The following NXPH1 variants were observed in gnomAD, a reference collection of about 807,000 sequenced individuals.
NXPH1 encodes the protein neurexophilin 1.
NXPH1 carries 5 observed loss-of-function variants against 23.7 expected under a neutral mutation model. The ratio of observed to expected loss-of-function variants is 0.21; its 90% CI spans 0.11 to 0.44. The LOEUF (loss-of-function observed/expected upper bound fraction) is 0.44. Among genes scored for constraint, NXPH1 ranks in the 20% least tolerant of loss-of-function variants. The probability of loss-of-function intolerance (pLI) is 0.99; values close to 1 mark genes in which losing one functional copy is unlikely to be tolerated. For missense variants in NXPH1, 324 were observed against 321.6 expected, an observed-to-expected ratio of 1.01 and a Z score of -0.06; for synonymous variants, 144 against 122.2, an observed-to-expected ratio of 1.18 and a Z score of -1.18.
chr7:8,655,467 C>CAA (rs1820563749), intron 2 of NXPH1, among the ~76,000 whole-genome samples: 1 of 134,080 alleles, frequency 7.5e-6, no homozygotes, highest in Admixed American at 8.2e-5. Context: ...CACACACACA[C>CAA]ACACACACAC....
At chr7:8,661,723 A>T (rs1820677271) in intron 2 of NXPH1, among the ~76,000 whole-genome samples, 1 of 152,174 alleles carries the variant, frequency 6.6e-6, no homozygotes, top group Admixed American at 6.5e-5. Flanking sequence ...CTGTAGAAAT[A>T]ACCAAGGGGA....
At chr7:8,471,334 A>G in intron 2 of NXPH1, among the ~76,000 whole-genome samples, 1 of 152,284 alleles carries the variant, frequency 6.6e-6, no homozygotes, top group East Asian at 1.9e-4. Context: ...GGATTTGTGA[A>G]GAGTAAAAAC....
In NXPH1 at chr7:8,434,143, A is replaced by T. The variant is rs1183674534; in HGVS notation, c.-723A>T. 6.6e-6 allele frequency: 1 copy of T among 152,532 alleles called. No homozygotes were observed. The highest frequency in any genetic ancestry group is 1.5e-5 in the Non-Finnish European group (1 of 68,298). The allele number at this position is 152,532 out of a possible 1,614,324, so 9.4% of individuals were successfully genotyped here. On this transcript the variant is annotated 5_prime_UTR_variant, in exon 1 of 3. Transcript: ENST00000405863. This position sits in a 1 kb window ranked among gnomAD's most constrained non-coding sequence, Gnocchi z 7.6. ...GCTTCCCAGCGTCGCGGGTAGAGGTACAGCTGCTCCGTGTGCCGCAGGCTC... is the reference window on the plus strand; with the variant it reads ...GCTTCCCAGCGTCGCGGGTAGAGGTTCAGCTGCTCCGTGTGCCGCAGGCTC...
intron 2 of NXPH1, among the ~76,000 whole-genome samples, chr7:8,588,693 C>T (rs995537414): frequency 3.3e-5 from 5 of 152,084 alleles, no homozygotes; most frequent in Non-Finnish European, 5.9e-5. Context: ...AGTCACATGG[C>T]ACACACCTGG....
At chr7:8,703,868 G>A (rs923577760) in intron 2 of NXPH1, among the ~76,000 whole-genome samples, 7 of 151,996 alleles carry the variant, frequency 4.6e-5, no homozygotes, top group African/African-American at 1.7e-4. Context: ...TTCACCTGGG[G>A]AACTTGCAGT....
intron 2 of NXPH1, among the ~76,000 whole-genome samples, chr7:8,605,418 T>C (rs1184529025): frequency 6.6e-6 from 1 of 152,104 alleles, no homozygotes; most frequent in Non-Finnish European, 1.5e-5. Flanking sequence ...TTTCAAACAA[T>C]CAAAACGGTG....
At chr7:8,716,759 G>A (rs771502998) in intron 2 of NXPH1, among the ~76,000 whole-genome samples, 1 of 152,114 alleles carries the variant, frequency 6.6e-6, no homozygotes. Context: ...TAACTAGTAT[G>A]TACCAGCAAT....
chr7:8,665,914 TTTTC>T (rs1562447972), intron 2 of NXPH1, among the ~76,000 whole-genome samples: 2 of 23,220 alleles, frequency 8.6e-5, no homozygotes, highest in Non-Finnish European at 2.9e-4. Context: ...TTTTTTTTCT[TTTTC>T]TTTTTTTTTT....
intron 2 of NXPH1, among the ~76,000 whole-genome samples, chr7:8,680,888 A>G (rs914797886): frequency 2.0e-5 from 3 of 152,248 alleles, no homozygotes; most frequent in Non-Finnish European, 4.4e-5. Context: ...ACAGAATATT[A>G]GTGCTGGAAA....
chr7:8,637,381 C>T (rs147298209), intron 2 of NXPH1, among the ~76,000 whole-genome samples: 1 of 152,054 alleles, frequency 6.6e-6, no homozygotes, highest in Non-Finnish European at 1.5e-5. Flanking sequence ...TGCCACCATG[C>T]CTGGCTAATT....
chr7:8,637,238 T>A (rs1405437681), intron 2 of NXPH1, among the ~76,000 whole-genome samples: 1 of 151,606 alleles, frequency 6.6e-6, no homozygotes, highest in African/African-American at 2.4e-5. Context: ...TTTTTTTTTT[T>A]GAGAGAGAGG....
chr7:8,739,224 T>A (rs1291425894), intron 2 of NXPH1, among the ~76,000 whole-genome samples: 1 of 147,194 alleles, frequency 6.8e-6, no homozygotes, highest in Non-Finnish European at 1.5e-5. Context: ...TAGCTCTTTG[T>A]CTGCCCAAAT....
intron 2 of NXPH1, among the ~76,000 whole-genome samples, chr7:8,568,475 A>C (rs1818586739): frequency 6.6e-6 from 1 of 151,826 alleles, no homozygotes; most frequent in South Asian, 2.1e-4. Context: ...TATGTAAACT[A>C]TGTTAATGCA....
chr7:8,686,915 A>G (rs780638114), intron 2 of NXPH1, among the ~76,000 whole-genome samples: 16 of 152,254 alleles, frequency 1.1e-4, no homozygotes, highest in Middle Eastern at 3.4e-3. Flanking sequence ...AATGACGATA[A>G]TTTTGATGCC....
At chr7:8,706,215 G>A (rs536543089) in intron 2 of NXPH1, among the ~76,000 whole-genome samples, 27 of 152,248 alleles carry the variant, frequency 1.8e-4, no homozygotes, top group African/African-American at 5.1e-4. Context: ...TGGAATACCC[G>A]AACATGGATC....
intron 2 of NXPH1, among the ~76,000 whole-genome samples, chr7:8,459,109 A>G (rs1816648125): frequency 6.6e-6 from 1 of 150,716 alleles, no homozygotes; most frequent in African/African-American, 2.4e-5. Context: ...TCTTCCAAGG[A>G]GAAGGAGTTA....
chr7:8,625,110 G>T (rs1193679292), intron 2 of NXPH1, among the ~76,000 whole-genome samples: 1 of 152,100 alleles, frequency 6.6e-6, no homozygotes, highest in African/African-American at 2.4e-5. Context: ...TTTGACTATA[G>T]AGTCCCTATG....
intron 2 of NXPH1, among the ~76,000 whole-genome samples, chr7:8,536,730 A>C (rs913956996): frequency 3.9e-5 from 6 of 151,990 alleles, no homozygotes; most frequent in Non-Finnish European, 8.8e-5. Context: ...ATCTATATTA[A>C]TATCCCAGAC....
At chr7:8,541,240 C>T (rs1208852055) in intron 2 of NXPH1, among the ~76,000 whole-genome samples, 1 of 151,574 alleles carries the variant, frequency 6.6e-6, no homozygotes, top group Non-Finnish European at 1.5e-5. Flanking sequence ...CTAAATTAAA[C>T]TCTGGAAAAG....
Sources: gnomAD v4.1 joint callset for allele counts (sites outside exome capture counted in the v4.1 genomes callset) on GRCh38, gnomAD v4.1.1 for gene constraint, Gnocchi (gnomAD v3.1) non-coding constraint, MANE v1.5 for transcripts, NCBI Gene and HGNC (gene_info 2026-07-23, HGNC 2026-07-21) for gene names.